The following NUP93 variants were observed in gnomAD, a reference collection of about 807,000 sequenced individuals.
NUP93 encodes the protein nuclear pore complex protein Nup93.
NUP93 carries 55 observed loss-of-function variants against 107.8 expected under a neutral mutation model. That is an observed-to-expected ratio of 0.51 (90% CI 0.41 to 0.64). The LOEUF (loss-of-function observed/expected upper bound fraction) is 0.64, where lower values mean the gene tolerates loss of function less well. NUP93 is among the 30% of genes least tolerant of loss of function. The probability of loss-of-function intolerance (pLI) is 0.00; values close to 1 mark genes in which losing one functional copy is unlikely to be tolerated. For missense variants in NUP93, 937 were observed against 1,044.7 expected, an observed-to-expected ratio of 0.90 and a Z score of 1.42; for synonymous variants, 390 against 397.5, an observed-to-expected ratio of 0.98 and a Z score of 0.22.
chr16:56,785,023 A>G (rs1266150878), intron 3 of NUP93, among the ~76,000 whole-genome samples: 1 of 152,226 alleles, frequency 6.6e-6, no homozygotes, highest in Non-Finnish European at 1.5e-5. Flanking sequence ...AAGAGCCTAG[A>G]TCTCAGCATA....
At chr16:56,768,602 T>C (rs140699281) in intron 3 of NUP93, among the ~76,000 whole-genome samples, 15,216 of 151,234 alleles carry the variant, frequency 0.1, 956 homozygotes, top group Middle Eastern at 0.24. Context: ...GTGTGGTGGC[T>C]CACGCCTGTA....
At chr16:56,731,463 G>T (rs1012516696) in intron 1 of NUP93, among the ~76,000 whole-genome samples, 4 of 150,946 alleles carry the variant, frequency 2.6e-5, no homozygotes, top group African/African-American at 9.7e-5. Flanking sequence ...GCAGTGGTGC[G>T]ATCTCGTGTC....
chr16:56,752,527 C>G (rs1367756898), intron 2 of NUP93, among the ~76,000 whole-genome samples: 1 of 152,140 alleles, frequency 6.6e-6, no homozygotes, highest in Admixed American at 6.5e-5. Flanking sequence ...AGGTGAAAGA[C>G]ATTCCATGTT....
chr16:56,730,502 G>C (rs75117461), intron 1 of NUP93, among the ~76,000 whole-genome samples: 5 of 151,982 alleles, frequency 3.3e-5, no homozygotes, highest in Non-Finnish European at 4.4e-5. Flanking sequence ...CTCGCGCCAC[G>C]CCCCTGCCCT....
At chr16:56,825,177 C>G (rs978062609) in intron 8 of NUP93, among the ~76,000 whole-genome samples, 27 of 150,638 alleles carry the variant, frequency 1.8e-4, no homozygotes, top group African/African-American at 6.4e-4. Context: ...CCACCTCAGC[C>G]TCCTGAGGTG....
rs746892339 is a variant in NUP93, at chr16:56,844,501, A to G, written c.2352A>G (p.Gln784=). 2.1e-6 allele frequency: 3 copies of G among 1,453,618 alleles called. No individual in the cohort carries two copies. The highest frequency in any genetic ancestry group is 2.7e-6 in the Non-Finnish European group (3 of 1,093,132). 90.0% of individuals were successfully genotyped at this position (1,453,618 alleles called of 1,614,324 possible). A position where few individuals can be genotyped will look rare whatever the true frequency, so the allele number is the denominator to read the frequency against. ...PQRVIEDRDS[Q]LRSQARTLIT... ...CCCTTCCTTCCCTTCTCTCTCAGCAACTCCGAAGTCAAGCCCGCACTCTGA... is the reference window on the plus strand; with the variant it reads ...CCCTTCCTTCCCTTCTCTCTCAGCAGCTCCGAAGTCAAGCCCGCACTCTGA... The change falls in exon 22 of 22, where the codon CAA becomes CAG. Residue 784 remains glutamine, a splice_region_variant and synonymous_variant. Transcript: ENST00000308159.
chr16:56,832,351 T>C lies in NUP93; in HGVS notation c.1308T>C (p.Thr436=). 1.2e-6 allele frequency: 2 copies of C among 1,614,132 alleles called. No individual in the cohort carries two copies. The highest frequency in any genetic ancestry group is 1.7e-6 in the Non-Finnish European group (2 of 1,179,956). ...CCAGCTCCCCACAAGACAGGCTCAC[T>C]CTCTCACAGTTCCAGAAGCAGTTGT... ...DGTSSPQDRL[T]LSQFQKQLLE... Residue 436 remains threonine, a synonymous_variant, in exon 12 of 22, where the codon ACT becomes ACC. Coordinates refer to ENST00000308159, the MANE Select transcript of NUP93 (RefSeq NM_014669.5).
intron 3 of NUP93, among the ~76,000 whole-genome samples, chr16:56,759,714 C>A (rs1415643544): frequency 6.6e-6 from 1 of 151,844 alleles, no homozygotes; most frequent in Non-Finnish European, 1.5e-5. Context: ...TTTAGCCCCC[C>A]TCCCCCGTAC....
Position 56,765,302 on chromosome 16 carries a change from T to C in NUP93, c.297+6647T>C, listed in dbSNP as rs79743610. Among the ~76,000 whole-genome samples, 968 of 152,380 alleles carry C rather than the reference T, an allele frequency of 6.4e-3. 18 individuals carry two copies. The highest frequency in any genetic ancestry group is 0.023 in the African/African-American group (940 of 41,592). On this transcript the variant is annotated intron_variant, in intron 3 of 21. Transcript: ENST00000308159. ...TTGCATTTATTTATCTCCTTTGTTATATTCCTCTTGTCCCTAAGAGAATGA... is the reference window on the plus strand; with the variant it reads ...TTGCATTTATTTATCTCCTTTGTTACATTCCTCTTGTCCCTAAGAGAATGA...
At chr16:56,765,058 G>T (rs1269399054) in intron 3 of NUP93, among the ~76,000 whole-genome samples, 4 of 152,200 alleles carry the variant, frequency 2.6e-5, no homozygotes, top group Non-Finnish European at 5.9e-5. Flanking sequence ...GTTTAAGTAG[G>T]CAGAACATCC....
intron 5 of NUP93, among the ~76,000 whole-genome samples, chr16:56,817,474 T>C (rs1221347579): frequency 6.6e-6 from 1 of 152,192 alleles, no homozygotes; most frequent in Non-Finnish European, 1.5e-5. Context: ...TTATTTTAGA[T>C]TTTAGTGTAT....
At chr16:56,826,471 G>A (rs1315460841) in intron 8 of NUP93, among the ~76,000 whole-genome samples, 6 of 149,618 alleles carry the variant, frequency 4.0e-5, no homozygotes, top group African/African-American at 1.2e-4. Context: ...AGCCGAGATC[G>A]TGCCACTGCA....
At chr16:56,759,808 G>A (rs758049810) in intron 3 of NUP93, among the ~76,000 whole-genome samples, 21 of 151,868 alleles carry the variant, frequency 1.4e-4, no homozygotes, top group Non-Finnish European at 2.6e-4. Flanking sequence ...CTAATAATGT[G>A]GAAAGAAATG....
chr16:56,762,164 G>A (rs1161727869), intron 3 of NUP93, among the ~76,000 whole-genome samples: 1 of 152,162 alleles, frequency 6.6e-6, no homozygotes, highest in Non-Finnish European at 1.5e-5. Flanking sequence ...GCTCACTTCT[G>A]TCTTTGGAGA....
chr16:56,779,281 G>A (rs1962469920), intron 3 of NUP93, among the ~76,000 whole-genome samples: 1 of 152,232 alleles, frequency 6.6e-6, no homozygotes, highest in East Asian at 1.9e-4. Flanking sequence ...AGTTCTACTT[G>A]AACCACAAAA....
chr16:56,813,823 C>A (rs1003051875), intron 5 of NUP93, among the ~76,000 whole-genome samples: 1 of 152,134 alleles, frequency 6.6e-6, no homozygotes, highest in African/African-American at 2.4e-5. Flanking sequence ...AGGTGTCTGT[C>A]GTTTTTTAGT....
At chr16:56,762,951 C>G (rs906778563) in intron 3 of NUP93, among the ~76,000 whole-genome samples, 33 of 152,094 alleles carry the variant, frequency 2.2e-4, no homozygotes, top group African/African-American at 7.7e-4. Context: ...TTAGGACCCA[C>G]CCTAAATCCA....
At chr16:56,818,626 C>G in intron 5 of NUP93, 38 bp from the exon 6 acceptor site, 1 of 1,480,894 alleles carries the variant, frequency 6.8e-7, no homozygotes, top group African/African-American at 1.4e-5. Context: ...TGACTGAATA[C>G]TGTCCCTAAC....
chr16:56,837,361 G>A (rs1031918199), intron 17 of NUP93, among the ~76,000 whole-genome samples: 2 of 152,166 alleles, frequency 1.3e-5, no homozygotes, highest in South Asian at 2.1e-4. Flanking sequence ...CCAGGAGTTC[G>A]AGACTAGCCT....
Sources: allele counts gnomAD v4.1 joint callset (sites outside exome capture counted in the v4.1 genomes callset), GRCh38; gene constraint gnomAD v4.1.1; transcripts MANE v1.5; gene names NCBI Gene and HGNC (gene_info 2026-07-23, HGNC 2026-07-21).